The following TMEM132C variants were observed in gnomAD, a reference collection of about 807,000 sequenced individuals.
TMEM132C encodes protein phosphatase 1, regulatory subunit 152.
Under a neutral mutation model 61.4 loss-of-function variants are expected in TMEM132C, and 29 were observed. That is an observed-to-expected ratio of 0.47 (90% CI 0.35 to 0.64). The LOEUF (loss-of-function observed/expected upper bound fraction) is 0.64, where lower values mean the gene tolerates loss of function less well. Ranked by LOEUF, TMEM132C falls within the 30% of genes least tolerant of loss-of-function variation. The probability of loss-of-function intolerance (pLI) is 0.00; values close to 1 mark genes in which losing one functional copy is unlikely to be tolerated. For missense variants in TMEM132C, 1,408 were observed against 1,476.9 expected (o/e 0.95, Z 0.76); for synonymous variants, 656 against 633.1 (o/e 1.04, Z -0.54).
intron 3 of TMEM132C, among the ~76,000 whole-genome samples, chr12:128,609,089 A>ACACTCTGCCTCCCTG (rs1876526204): frequency 6.6e-6 from 1 of 151,688 alleles, no homozygotes; most frequent in African/African-American, 2.4e-5. Context: ...GCTCACTGCA[A>ACACTCTGCCTCCCTG]CACTGTAACC....
chr12:128,470,317 G>A (rs557935857), intron 2 of TMEM132C, among the ~76,000 whole-genome samples: 10 of 152,308 alleles, frequency 6.6e-5, no homozygotes, highest in East Asian at 1.9e-4. Context: ...GGCATTTGTC[G>A]CGTGTCCTCT....
chr12:128,469,722 GTA>G (rs201870300), intron 2 of TMEM132C, among the ~76,000 whole-genome samples: 42 of 150,916 alleles, frequency 2.8e-4, no homozygotes, highest in African/African-American at 7.8e-4. Context: ...ATGTGTGTGT[GTA>G]TATATATATG....
At chr12:128,459,085 G>T (rs1870442188) in intron 2 of TMEM132C, among the ~76,000 whole-genome samples, 1 of 152,228 alleles carries the variant, frequency 6.6e-6, no homozygotes, top group African/African-American at 2.4e-5. Context: ...GATTTAGAAG[G>T]TCCCACTGCA....
chr12:128,635,267 C>T, intron 4 of TMEM132C, among the ~76,000 whole-genome samples: 1 of 152,162 alleles, frequency 6.6e-6, no homozygotes, highest in East Asian at 1.9e-4. Flanking sequence ...AGAATTCCTG[C>T]TGTGCTCAAG....
In TMEM132C at chr12:128,694,104, G is replaced by T. The variant is rs1954739826; in HGVS notation, c.1655+70G>T. 6 of 1,467,522 alleles carry T rather than the reference G, an allele frequency of 4.1e-6. No homozygotes were observed. The South Asian group carries it at 5.0e-5, about 12-fold the overall frequency. 90.9% of individuals were successfully genotyped at this position (1,467,522 alleles called of 1,614,324 possible). A position where few individuals can be genotyped will look rare whatever the true frequency, so the allele number is the denominator to read the frequency against. On this transcript the variant is annotated intron_variant, in intron 6 of 8. Coordinates refer to ENST00000435159, the MANE Select transcript of TMEM132C (RefSeq NM_001136103.3). ...TTATTTACTGACCTTAACACTAAAG[G>T]ACCCAATGCTTAAGAGATGCTGGTA...
intron 5 of TMEM132C, among the ~76,000 whole-genome samples, chr12:128,690,320 T>C (rs1413170243): frequency 6.6e-6 from 1 of 152,186 alleles, no homozygotes. Flanking sequence ...TGTGGGGTTT[T>C]GGTTCCTTTT....
At chr12:128,408,929 C>T (rs868740168) in intron 1 of TMEM132C, among the ~76,000 whole-genome samples, 2 of 152,140 alleles carry the variant, frequency 1.3e-5, no homozygotes, top group African/African-American at 4.8e-5. Context: ...AGCCAGGCTG[C>T]CCCATATGCT....
chr12:128,602,251 A>G (rs1316116971), intron 3 of TMEM132C, among the ~76,000 whole-genome samples: 1 of 152,172 alleles, frequency 6.6e-6, no homozygotes, highest in Admixed American at 6.5e-5. Flanking sequence ...CAGCTTACCA[A>G]CGCATGAGTG....
At position 128,544,003 on chromosome 12, in the gene TMEM132C, G is replaced by A. The variant is rs1418486322; in HGVS notation, c.1021G>A (p.Glu341Lys). The change falls in exon 3 of 9, where the codon GAG becomes AAG. Residue 341 changes from glutamate (E) to lysine (K), a missense_variant. Glu to Lys is a moderately conservative substitution (Grantham distance 56). Coordinates refer to ENST00000435159, the MANE Select transcript of TMEM132C (RefSeq NM_001136103.3). ...GVNILSAQTR[E>K]PRQWGVKQEV... Reference sequence around the variant, plus strand: ...GAACATCCTGAGTGCTCAGACCCGTGAGCCCCGGCAGTGGGGCGTCAAGCA... The same window carrying A: ...GAACATCCTGAGTGCTCAGACCCGTAAGCCCCGGCAGTGGGGCGTCAAGCA... 2 of 1,549,396 alleles carry A rather than the reference G, an allele frequency of 1.3e-6. No individual in the cohort carries two copies. Among genetic ancestry groups the A allele is most frequent in the South Asian group, 2.4e-5 (2 of 83,426 alleles).
In TMEM132C at chr12:128,415,317, C is replaced by A. The variant is rs972769942; in HGVS notation, c.671C>A (p.Thr224Asn). Residue 224 changes from threonine to asparagine, a missense_variant, in exon 2 of 9, where the codon ACC (threonine) becomes AAC (asparagine). Coordinates refer to ENST00000435159, the MANE Select transcript of TMEM132C (RefSeq NM_001136103.3). The surrounding 1 kb of genome is among the most constrained non-coding windows in gnomAD (Gnocchi z 5.8). The stretch of plus-strand genomic sequence containing the variant: ...AAGTCCATGGACCAGCCGGAGGGGA[C>A]CCCTGTGGAGCTCTACTACACCGTG... ...RKKSMDQPEG[T>N]PVELYYTVHP... The A allele has an allele frequency of 1.3e-6, 2 of 1,591,634 alleles. No homozygotes were observed. The highest frequency in any genetic ancestry group is 1.7e-6 in the Non-Finnish European group (2 of 1,168,412).
chr12:128,602,159 C>T (rs775760281), intron 3 of TMEM132C, among the ~76,000 whole-genome samples: 50 of 152,162 alleles, frequency 3.3e-4, no homozygotes, highest in Non-Finnish European at 6.8e-4. Flanking sequence ...CAATGAGCCA[C>T]GATGGCACCA....
rs578189333 is a variant in TMEM132C at position 128,286,468 on chromosome 12, C to T, written c.85+18981C>T. On this transcript the variant is annotated intron_variant, in intron 1 of 8. Transcript: ENST00000435159. ...AGCAGGTGAGAGTAGCTCTGGCCCC[C>T]ATAGACAGTAGTGGGTGTGGGCAGA... Among the ~76,000 whole-genome samples, 15 of 152,314 alleles carry T rather than the reference C, an allele frequency of 9.8e-5. No homozygotes were observed. The South Asian group carries it at 3.1e-3, about 32-fold the overall frequency.
intron 1 of TMEM132C, among the ~76,000 whole-genome samples, chr12:128,307,545 G>A (rs1871825020): frequency 6.6e-6 from 1 of 152,118 alleles, no homozygotes; most frequent in South Asian, 2.1e-4. Flanking sequence ...TGAAAATGAG[G>A]CCAGATATTT....
At chr12:128,486,918 CACAG>C (rs1264217451) in intron 2 of TMEM132C, among the ~76,000 whole-genome samples, 1 of 116,170 alleles carries the variant, frequency 8.6e-6, no homozygotes, top group Non-Finnish European at 2.0e-5. Flanking sequence ...CACACACACA[CACAG>C]CTCAGCACTT....
Position 128,696,153 on chromosome 12 carries a change from G to C in TMEM132C, c.1929+50G>C, listed in dbSNP as rs1954761806. On this transcript the variant is annotated intron_variant, in intron 7 of 8. Transcript: ENST00000435159. ...CCCCAGCACTGGGCATGTGTGCAGT[G>C]TTGAGGGAGAGTCAATGGGTGGGCA... 4 of 1,521,034 alleles carry C rather than the reference G, an allele frequency of 2.6e-6. No individual in the cohort carries two copies. In the Admixed American group the frequency reaches 8.2e-5, roughly 31 times the overall value. The allele number at this position is 1,521,034 out of a possible 1,614,324, so 94.2% of individuals were successfully genotyped here.
chr12:128,492,070 A>G (rs920603124), intron 2 of TMEM132C, among the ~76,000 whole-genome samples: 6 of 152,056 alleles, frequency 3.9e-5, no homozygotes, highest in African/African-American at 1.4e-4. Context: ...CTCATGGTTC[A>G]ATTCCCACCT....
chr12:128,364,812 C>A (rs1303916636), intron 1 of TMEM132C, among the ~76,000 whole-genome samples: 1 of 152,112 alleles, frequency 6.6e-6, no homozygotes, highest in Admixed American at 6.5e-5. Flanking sequence ...GCTTCTGATT[C>A]CCACTAATTT....
intron 2 of TMEM132C, among the ~76,000 whole-genome samples, chr12:128,541,318 C>A (rs539320544): frequency 1.3e-5 from 2 of 152,320 alleles, no homozygotes; most frequent in Non-Finnish European, 2.9e-5. Context: ...GGAAGCTCCC[C>A]AAATCCTGTC....
At chr12:128,322,336 C>T (rs921282289) in intron 1 of TMEM132C, among the ~76,000 whole-genome samples, 1 of 152,198 alleles carries the variant, frequency 6.6e-6, no homozygotes, top group Admixed American at 6.5e-5. Context: ...GCATTTGAAC[C>T]GCCTTGAGTA....
Sources: allele counts gnomAD v4.1 joint callset (sites outside exome capture counted in the v4.1 genomes callset), GRCh38; gene constraint gnomAD v4.1.1; non-coding constraint Gnocchi (gnomAD v3.1); transcripts MANE v1.5; gene names NCBI Gene and HGNC (gene_info 2026-07-23, HGNC 2026-07-21).